The following GBE1 variants were observed in gnomAD, a reference collection of about 807,000 sequenced individuals.
GBE1 encodes 1,4-alpha-glucan-branching enzyme.
Under a neutral mutation model 88.8 loss-of-function variants are expected in GBE1, and 70 were observed. The ratio of observed to expected loss-of-function variants is 0.79; its 90% CI spans 0.65 to 0.96. The LOEUF (loss-of-function observed/expected upper bound fraction) is 0.96, where lower values mean the gene tolerates loss of function less well. Ranked by LOEUF, GBE1 falls within the 40% of genes least tolerant of loss-of-function variation. The pLI is 0.00. For missense variants in GBE1, 872 were observed against 871.0 expected (o/e 1.00, Z -0.01); for synonymous variants, 284 against 300.1 (o/e 0.95, Z 0.56).
At chr3:81,709,555 T>C (rs1361684634) in intron 1 of GBE1, among the ~76,000 whole-genome samples, 1 of 152,180 alleles carries the variant, frequency 6.6e-6, no homozygotes, top group African/African-American at 2.4e-5. Flanking sequence ...ACAAATGTGG[T>C]AGTAATTTTA....
chr3:81,509,962 C>T (rs1702703187), intron 14 of GBE1, among the ~76,000 whole-genome samples: 1 of 151,902 alleles, frequency 6.6e-6, no homozygotes, highest in African/African-American at 2.4e-5. Flanking sequence ...AATTAATTCT[C>T]AAGTTAACTA....
intron 7 of GBE1, among the ~76,000 whole-genome samples, chr3:81,604,026 T>C (rs950930541): frequency 3.3e-5 from 5 of 152,102 alleles, no homozygotes; most frequent in Non-Finnish European, 7.4e-5. Context: ...ACAATCTCAA[T>C]TGATAGCCCA....
intron 3 of GBE1, among the ~76,000 whole-genome samples, chr3:81,663,821 C>T (rs934878754): frequency 1.3e-5 from 2 of 152,106 alleles, no homozygotes; most frequent in Non-Finnish European, 2.9e-5. Flanking sequence ...GTTTGAGCAG[C>T]GGGGCACTGA....
intron 14 of GBE1, among the ~76,000 whole-genome samples, chr3:81,531,221 C>T (rs1165961459): frequency 6.6e-6 from 1 of 151,932 alleles, no homozygotes; most frequent in Non-Finnish European, 1.5e-5. Context: ...CCTTTCAGGG[C>T]AGTGGGTTCT....
intron 3 of GBE1, among the ~76,000 whole-genome samples, chr3:81,653,853 T>C (rs1309808576): frequency 4.6e-5 from 7 of 152,204 alleles, no homozygotes; most frequent in Non-Finnish European, 1.5e-5. Flanking sequence ...TTTTTAGCTA[T>C]ACGTTTTGAT....
chr3:81,568,583 T>A (rs1335030383), intron 12 of GBE1, among the ~76,000 whole-genome samples: 1 of 152,218 alleles, frequency 6.6e-6, no homozygotes, highest in Admixed American at 6.5e-5. Flanking sequence ...GTCAAGCATT[T>A]AGTAGAGTAA....
chr3:81,519,576 A>G (rs1374890305), intron 14 of GBE1, among the ~76,000 whole-genome samples: 1 of 137,378 alleles, frequency 7.3e-6, no homozygotes, highest in East Asian at 2.3e-4. Flanking sequence ...CACTTTATAA[A>G]TAAGCTGGGG....
At chr3:81,584,032 A>G (rs1211365824) in intron 10 of GBE1, among the ~76,000 whole-genome samples, 2 of 152,118 alleles carry the variant, frequency 1.3e-5, no homozygotes, top group African/African-American at 4.8e-5. Context: ...TAGGTGCTCA[A>G]TAAATATTTG....
intron 14 of GBE1, among the ~76,000 whole-genome samples, chr3:81,513,815 A>G (rs993478755): frequency 1.3e-5 from 2 of 151,720 alleles, no homozygotes; most frequent in Non-Finnish European, 3.0e-5. Context: ...TCTGACAACA[A>G]TTCTATGAAT....
rs1702417594 is a variant in GBE1, at chr3:81,490,134, T to A, written c.*273A>T. The A allele has an allele frequency of 2.7e-6, 1 of 368,418 alleles. No homozygotes were observed. Among genetic ancestry groups the A allele is most frequent in the Non-Finnish European group, 4.8e-6 (1 of 207,162 alleles). 22.8% of individuals were successfully genotyped at this position (368,418 alleles called of 1,614,324 possible). A position where few individuals can be genotyped will look rare whatever the true frequency, so the allele number is the denominator to read the frequency against. ...ATTAGCCAGGAAAGCAAAATGTTTTTAACATATTATATATAACACTTCCAT... is the reference window on the plus strand; with the variant it reads ...ATTAGCCAGGAAAGCAAAATGTTTTAAACATATTATATATAACACTTCCAT... On this transcript the variant is annotated 3_prime_UTR_variant, in exon 16 of 16. Coordinates refer to ENST00000429644, the MANE Select transcript of GBE1 (RefSeq NM_000158.4).
intron 14 of GBE1, among the ~76,000 whole-genome samples, chr3:81,506,611 A>T (rs565421462): frequency 6.6e-6 from 1 of 152,224 alleles, no homozygotes; most frequent in Non-Finnish European, 1.5e-5. Context: ...ATAAAGACAC[A>T]TGCAGGCACA....
At position 81,650,874 on chromosome 3, in the gene GBE1, C is replaced by T. The variant is rs116086065; in HGVS notation, c.430-953G>A. Among the ~76,000 whole-genome samples, 626 of 152,162 alleles carry T rather than the reference C, an allele frequency of 4.1e-3. 8 individuals carry two copies. Among genetic ancestry groups the T allele is most frequent in the Middle Eastern group, 0.014 (4 of 294 alleles). Reference sequence around the variant, plus strand: ...GTTTTTTTGTAGAAATGGGGTTTCTCTGTGTTGCCCAGGCTAGTCTTGAGC... The same window carrying T: ...GTTTTTTTGTAGAAATGGGGTTTCTTTGTGTTGCCCAGGCTAGTCTTGAGC... On this transcript the variant is annotated intron_variant, in intron 3 of 15. Transcript: ENST00000429644.
chr3:81,528,966 C>T (rs1702982084), intron 14 of GBE1, among the ~76,000 whole-genome samples: 1 of 152,134 alleles, frequency 6.6e-6, no homozygotes, highest in East Asian at 1.9e-4. Context: ...AGTCCATTTA[C>T]ATTTAATGTT....
At chr3:81,536,824 G>A in intron 13 of GBE1, 87 bp downstream of exon 13, 2 of 1,018,852 alleles carry the variant, frequency 2.0e-6, no homozygotes, top group Non-Finnish European at 2.9e-6. Flanking sequence ...CTGTTTAAAA[G>A]ATCTGCATAG....
intron 15 of GBE1, among the ~76,000 whole-genome samples, chr3:81,492,334 G>A (rs913258640): frequency 5.9e-4 from 90 of 152,222 alleles, no homozygotes; most frequent in Non-Finnish European, 1.2e-3. Flanking sequence ...GATGTTACGA[G>A]ACTGATTCAA....
chr3:81,506,367 C>T (rs1702654206), intron 14 of GBE1, among the ~76,000 whole-genome samples: 1 of 152,166 alleles, frequency 6.6e-6, no homozygotes, highest in South Asian at 2.1e-4. Flanking sequence ...CATCTCACAC[C>T]AGGCAGAAGG....
At position 81,761,556 on chromosome 3, in the gene GBE1, G is replaced by C. The variant is rs1335981792; in HGVS notation, c.-39C>G. 6 of 1,558,856 alleles carry C rather than the reference G, an allele frequency of 3.8e-6. No individual in the cohort carries two copies. Among genetic ancestry groups the C allele is most frequent in the Non-Finnish European group, 5.2e-6 (6 of 1,151,714 alleles). On this transcript the variant is annotated 5_prime_UTR_variant, in exon 1 of 16. Coordinates refer to ENST00000429644, the MANE Select transcript of GBE1 (RefSeq NM_000158.4). ...CCAAGTAGCCGAGGCCCGAGAGGTC[G>C]AGTGGGGCCTGAGCGGGCGCTGGAG...
intron 1 of GBE1, among the ~76,000 whole-genome samples, chr3:81,736,206 A>C (rs545773359): frequency 2.0e-4 from 30 of 152,310 alleles, no homozygotes; most frequent in African/African-American, 7.2e-4. Flanking sequence ...GAATCTCAGA[A>C]GGGTTGGAGT....
At position 81,554,058 on chromosome 3, in the gene GBE1, A is replaced by G. The variant is rs554111905; in HGVS notation, c.1619-16963T>C. Among the ~76,000 whole-genome samples the G allele has an allele frequency of 1.2e-4, 18 of 152,340 alleles. No homozygotes were observed. The South Asian group carries it at 3.7e-3, about 32-fold the overall frequency. On this transcript the variant is annotated intron_variant, in intron 12 of 15. Transcript: ENST00000429644. ...GTAAGAACCAGATATTATTTTCTTA[A>G]TACAAATTTTCATAGCAACAGTAAT... is the stretch of plus-strand genomic sequence containing the variant.
Sources: allele counts gnomAD v4.1 joint callset (sites outside exome capture counted in the v4.1 genomes callset), GRCh38; gene constraint gnomAD v4.1.1; transcripts MANE v1.5; gene names NCBI Gene and HGNC (gene_info 2026-07-23, HGNC 2026-07-21).